Variants in LCN8 observed in about 807,000 individuals in gnomAD.
LCN8 encodes lipocalin 8.
Under a neutral mutation model 22.8 loss-of-function variants are expected in LCN8, and 16 were observed. The ratio of observed to expected loss-of-function variants is 0.70; its 90% CI spans 0.47 to 1.06. The LOEUF is 1.06. Ranked by LOEUF, LCN8 falls within the 50% of genes least tolerant of loss-of-function variation. LCN8 has a pLI of 0.00. For synonymous variants in LCN8, 92 were observed against 83.4 expected, an observed-to-expected ratio of 1.10 and a Z score of -0.56; for missense variants, 189 against 203.3, an observed-to-expected ratio of 0.93 and a Z score of 0.43.
At chr9:136,757,411 C>T (rs955938000) in intron 1 of LCN8, 2 of 1,413,984 alleles carry the variant, frequency 1.4e-6, no homozygotes, top group Non-Finnish European at 1.8e-6. Context: ...ACTGGGCCAT[C>T]TAGAGCTGCG....
intron 3 of LCN8, 48 bp downstream of exon 3, chr9:136,756,474 G>A (rs1847203278): frequency 6.2e-7 from 1 of 1,613,984 alleles, no homozygotes; most frequent in Admixed American, 1.7e-5. Context: ...AGGCCTAGCT[G>A]TGTGCACAGC....
chr9:136,755,245 A>G lies in LCN8; in HGVS notation c.420T>C (p.Pro140=), dbSNP rs767965870. Reference sequence around the variant, plus strand: ...CCACCCCAAGGCCCCTGGGCTCACCAGGCCGGGCCGCCAGGTAGAGACCAG... The same window carrying G: ...CCACCCCAAGGCCCCTGGGCTCACCGGGCCGGGCCGCCAGGTAGAGACCAG... ...ADTGLYLAAR[P]GRCAELLKEE... Residue 140 remains proline (P), a splice_region_variant and synonymous_variant, in exon 5 of 7, where the codon CCT becomes CCC. Transcript: ENST00000371688. 4 of 1,612,526 alleles carry G rather than the reference A, an allele frequency of 2.5e-6. No individual in the cohort carries two copies. In the African/African-American group the frequency reaches 5.3e-5, roughly 22 times the overall value.
chr9:136,756,175 T>TGCAGGGAACAGCATGGGGAACAGC lies in LCN8; in HGVS notation c.226+323_226+346dup, dbSNP rs1564331699. The TGCAGGGAACAGCATGGGGAACAGC allele has an allele frequency of 9.3e-6, 9 of 969,268 alleles. No individual in the cohort carries two copies. The African/African-American group carries it at 2.1e-4, about 22-fold the overall frequency. The allele number at this position is 969,268 out of a possible 1,614,324, so 60.0% of individuals were successfully genotyped here. Reference sequence around the variant, plus strand: ...GCGCAGGGAACAGCATGAGGAACAGTGCAGGGAACAGCATGGGGAACAGCG... The same window carrying TGCAGGGAACAGCATGGGGAACAGC: ...GCGCAGGGAACAGCATGAGGAACAGTGCAGGGAACAGCATGGGGAACAGCGCAGGGAACAGCATGGGGAACAGCG... On this transcript the variant is annotated intron_variant, in intron 3 of 6. Coordinates refer to ENST00000371688, the MANE Select transcript of LCN8 (RefSeq NM_178469.4).
intron 1 of LCN8, chr9:136,757,579 G>A (rs572843593): frequency 2.2e-5 from 30 of 1,388,018 alleles, no homozygotes; most frequent in South Asian, 1.1e-4. Context: ...AGCGCAGCTC[G>A]CCAGCCTGCC....
chr9:136,757,667 C>T, intron 1 of LCN8: 2 of 1,433,224 alleles, frequency 1.4e-6, no homozygotes, highest in Non-Finnish European at 1.8e-6. Flanking sequence ...TTTAAAAACC[C>T]TACCATTTTC....
At chr9:136,756,616 C>G (rs762846845) in intron 2 of LCN8, 24 bp from the exon 3 acceptor site, 4 of 1,611,304 alleles carry the variant, frequency 2.5e-6, no homozygotes, top group Non-Finnish European at 3.4e-6. Context: ...AAGTGCCCAT[C>G]GGTAAAATGC....
At chr9:136,756,960 T>A (rs1847222211) in intron 2 of LCN8, 78 bp downstream of exon 2, 3 of 1,516,584 alleles carry the variant, frequency 2.0e-6, no homozygotes, top group South Asian at 2.4e-5. Context: ...GACCCCACGC[T>A]GCAGCGGGTG....
At chr9:136,754,988 T>G in intron 6 of LCN8, 147 bp downstream of exon 6, 2 of 1,418,068 alleles carry the variant, frequency 1.4e-6, no homozygotes, top group Non-Finnish European at 1.8e-6. Flanking sequence ...TGCCCACCAG[T>G]GGTGTTTGGT....
At chr9:136,756,204 G>A in intron 3 of LCN8, 1 of 1,088,550 alleles carries the variant, frequency 9.2e-7, no homozygotes, top group Non-Finnish European at 1.2e-6. Flanking sequence ...AACAGCGCAG[G>A]GAACAGCATG....
In LCN8 at chr9:136,755,536, C is replaced by T. The variant is rs776036155; in HGVS notation, c.227-20G>A. 35 of 1,605,586 alleles carry T rather than the reference C, an allele frequency of 2.2e-5. 1 individual carries two copies. The South Asian group carries it at 3.3e-4, about 15-fold the overall frequency. On this transcript the variant is annotated intron_variant, in intron 3 of 6. Coordinates refer to ENST00000371688, the MANE Select transcript of LCN8 (RefSeq NM_178469.4). ...TGTGGCCTTCAAGAGCCGGCCATGG[C>T]GTTGGGGGAGACGTCTGAGGGGGAC...
Position 136,755,331 on chromosome 9 carries a change from G to A in LCN8, c.334C>T (p.Arg112Trp), listed in dbSNP as rs200655744. ...AGCCGGTCCTTGTCCTCAAGGCTCC[G>A]AGCTGTGGGGCACAGGGGGGCTGGG... ...RNFRVLKYFT[R>W]SLEDKDRLGF... The change falls in exon 5 of 7, where the codon CGG becomes TGG. Residue 112 changes from arginine (R) to tryptophan (W), a missense_variant and splice_region_variant. By Grantham distance (101) the Arg-to-Trp change is moderately radical (BLOSUM62 -3). Transcript: ENST00000371688. The A allele has an allele frequency of 6.3e-5, 101 of 1,609,834 alleles. No homozygotes were observed. In the African/African-American group the frequency reaches 9.5e-4, roughly 15 times the overall value.
At chr9:136,757,224 G>A (rs775880059) in intron 1 of LCN8, 56 bp from the exon 2 acceptor site, 353 of 1,580,908 alleles carry the variant, frequency 2.2e-4, no homozygotes, top group Non-Finnish European at 3.0e-4. Flanking sequence ...GACCCCCAGG[G>A]GCATTCCACG....
chr9:136,756,407 AGAACAGTGCAGG>A lies in LCN8; in HGVS notation c.226+103_226+114del, dbSNP rs751513196. ...GGGAACAGTGCAGGGAACAGCACAG[AGAACAGTGCAGG>A]GAACAGCATGGGGAACAGTGCAGGG... On this transcript the variant is annotated intron_variant, in intron 3 of 6. Coordinates refer to ENST00000371688, the MANE Select transcript of LCN8 (RefSeq NM_178469.4). The A allele has an allele frequency of 1.7e-5, 26 of 1,554,846 alleles. 1 individual carries two copies. In the South Asian group the frequency reaches 2.7e-4, roughly 16 times the overall value.
rs558130025 is a variant in LCN8 at position 136,758,147 on chromosome 9, C to T, written c.-217G>A. Reference sequence around the variant, plus strand: ...ACGTGGGTTTCTGCACAAGCGCCATCGGCCCTGGTGACACCCACGCCCACC... The same window carrying T: ...ACGTGGGTTTCTGCACAAGCGCCATTGGCCCTGGTGACACCCACGCCCACC... On this transcript the variant is annotated 5_prime_UTR_variant, in exon 1 of 7. Coordinates refer to ENST00000371688, the MANE Select transcript of LCN8 (RefSeq NM_178469.4). The T allele has an allele frequency of 1.4e-4, 200 of 1,442,284 alleles. No homozygotes were observed. Among genetic ancestry groups the T allele is most frequent in the Non-Finnish European group, 1.7e-4 (188 of 1,097,784 alleles). The allele number at this position is 1,442,284 out of a possible 1,614,324, so 89.3% of individuals were successfully genotyped here. A position where few individuals can be genotyped will look rare whatever the true frequency, so the allele number is the denominator to read the frequency against.
chr9:136,754,428 G>T lies in LCN8; in HGVS notation c.*70C>A. ...TCAGAGCAGGTGCAGGTGACCTGGTGGGCAGGGTGCCCAGGAGGGGCAGGG... is the reference window on the plus strand; with the variant it reads ...TCAGAGCAGGTGCAGGTGACCTGGTTGGCAGGGTGCCCAGGAGGGGCAGGG... On this transcript the variant is annotated 3_prime_UTR_variant, in exon 7 of 7. Transcript: ENST00000371688. 1 of 1,546,574 alleles carries T rather than the reference G, an allele frequency of 6.5e-7. No individual in the cohort carries two copies. The highest frequency in any genetic ancestry group is 2.4e-5 in the East Asian group (1 of 41,436).
chr9:136,755,463 G>A lies in LCN8; in HGVS notation c.280C>T (p.Arg94Trp), dbSNP rs149375049. 4.4e-5 allele frequency: 71 copies of A among 1,613,166 alleles called. No individual in the cohort carries two copies. Among genetic ancestry groups the A allele is most frequent in the Non-Finnish European group, 5.8e-5 (68 of 1,179,998 alleles). ...CTGCCCCGCCACATCAGGGACACCC[G>A]CAGGATGGCGTAGCCCTCGTAGTCG... ...DTDYEGYAIL[R>W]VSLMWRGRNF... is the part of the protein sequence containing the mutation. The change falls in exon 4 of 7, where the codon CGG becomes TGG. Residue 94 changes from arginine (R) to tryptophan (W), a missense_variant. Transcript: ENST00000371688.
chr9:136,757,853 C>A (rs1847246842), intron 1 of LCN8, 54 bp downstream of exon 1: 4 of 1,613,258 alleles, frequency 2.5e-6, no homozygotes, highest in Non-Finnish European at 3.4e-6. Context: ...CTTCCCTGAG[C>A]CTGAGGGGTT....
At chr9:136,756,650 C>A (rs1305394221) in intron 2 of LCN8, 58 bp from the exon 3 acceptor site, 6 of 1,595,860 alleles carry the variant, frequency 3.8e-6, no homozygotes, top group South Asian at 1.1e-5. Flanking sequence ...GCCTGCTGGG[C>A]TCCTTCCCGG....
intron 1 of LCN8, chr9:136,757,523 C>A (rs1847237339): frequency 1.5e-6 from 2 of 1,354,248 alleles, no homozygotes; most frequent in South Asian, 1.7e-5. Flanking sequence ...AGAAAGCCCG[C>A]AGGGCGCGGC....
Sources: allele counts gnomAD v4.1 joint callset, GRCh38; gene constraint gnomAD v4.1.1; transcripts MANE v1.5; gene names NCBI Gene and HGNC (gene_info 2026-07-23, HGNC 2026-07-21).